The following JAK1 variants were observed in gnomAD, a reference collection of about 807,000 sequenced individuals.
JAK1 encodes the protein Janus kinase 1, also known as tyrosine-protein kinase JAK1.
In JAK1, 16 loss-of-function variants were observed where a neutral mutation model predicts 136.6. The observed-to-expected ratio is 0.12, with a 90% CI of 0.08 to 0.18. JAK1 has a LOEUF of 0.18. JAK1 is among the 10% of genes least tolerant of loss of function. The probability of loss-of-function intolerance (pLI) is 1.00; values close to 1 mark genes in which losing one functional copy is unlikely to be tolerated. For missense variants in JAK1, 859 were observed against 1,450.1 expected, an observed-to-expected ratio of 0.59 and a Z score of 6.62; for synonymous variants, 492 against 519.5, an observed-to-expected ratio of 0.95 and a Z score of 0.72.
chr1:65,006,558 G>A (rs1002235008), intron 2 of JAK1, among the ~76,000 whole-genome samples: 1 of 152,072 alleles, frequency 6.6e-6, no homozygotes, highest in African/African-American at 2.4e-5. Context: ...GGGTCTTGCT[G>A]TGTTGAACAC....
chr1:64,975,379 C>T (rs1027989775), intron 2 of JAK1, among the ~76,000 whole-genome samples: 4 of 152,224 alleles, frequency 2.6e-5, no homozygotes, highest in African/African-American at 9.6e-5. Context: ...GTCAGTCATG[C>T]TCCCACAGCA....
intron 2 of JAK1, among the ~76,000 whole-genome samples, chr1:65,036,322 C>A (rs547745051): frequency 6.6e-5 from 10 of 151,922 alleles, no homozygotes; most frequent in Admixed American, 2.6e-4. Flanking sequence ...GTAGTCCTAG[C>A]TGCTTGAGAG....
intron 1 of JAK1, among the ~76,000 whole-genome samples, chr1:64,907,563 G>A (rs560705123): frequency 1.3e-5 from 2 of 152,206 alleles, no homozygotes; most frequent in South Asian, 2.1e-4. Context: ...AGGAGGGAGA[G>A]GATCAGGAAA....
At chr1:65,057,320 C>T (rs1647591324) in intron 1 of JAK1, among the ~76,000 whole-genome samples, 1 of 152,212 alleles carries the variant, frequency 6.6e-6, no homozygotes, top group Non-Finnish European at 1.5e-5. Flanking sequence ...TTGGCATTGG[C>T]AGAATCCTGG....
intron 12 of JAK1, 97 bp from the exon 13 acceptor site, chr1:64,847,772 G>C: frequency 1.4e-6 from 2 of 1,392,758 alleles, no homozygotes; most frequent in South Asian, 2.7e-5. Flanking sequence ...ACTATCAATG[G>C]GATGGGGCAA....
intron 7 of JAK1, among the ~76,000 whole-genome samples, chr1:64,865,312 A>G (rs1656629939): frequency 6.6e-6 from 1 of 152,218 alleles, no homozygotes; most frequent in African/African-American, 2.4e-5. Flanking sequence ...ACTACTACAC[A>G]TGCTCTGACA....
intron 1 of JAK1, among the ~76,000 whole-genome samples, chr1:64,892,611 C>G (rs1644956200): frequency 6.6e-6 from 1 of 152,154 alleles, no homozygotes; most frequent in Non-Finnish European, 1.5e-5. Flanking sequence ...AATCATTTAT[C>G]CCAAAAATAC....
intron 1 of JAK1, among the ~76,000 whole-genome samples, chr1:64,900,498 C>G (rs760590473): frequency 6.6e-6 from 1 of 152,170 alleles, no homozygotes; most frequent in Non-Finnish European, 1.5e-5. Context: ...GTCAGACTGA[C>G]ATGAAGTGAG....
intron 1 of JAK1, among the ~76,000 whole-genome samples, chr1:65,047,657 T>C (rs530080371): frequency 6.7e-4 from 101 of 151,740 alleles, no homozygotes; most frequent in African/African-American, 2.1e-3. Context: ...AGGCGGAGCT[T>C]GCAGTGCGCC....
rs767260882 is a variant in JAK1, at chr1:64,873,453, G to C, written c.400C>G (p.Gln134Glu). The stretch of plus-strand genomic sequence containing the variant: ...TTTTTTTTCTCGTAGCCATTTTTCT[G>C]CTTCTTTGGAGAATGACGCCACACT... ...QSVWRHSPKK[Q>E]KNGYEKKKIP... is the part of the protein sequence containing the mutation. Residue 134 changes from glutamine to glutamate, a missense_variant, in exon 5 of 25, where the codon CAG (glutamine) becomes GAG (glutamate). Physicochemically the swap from Gln to Glu is conservative, Grantham distance 29. Around this residue, in one of 4 missense-constraint regions of JAK1, gnomAD observed 353 missense variants for 494.0 expected, o/e 0.71. Coordinates refer to ENST00000342505, the MANE Select transcript of JAK1 (RefSeq NM_002227.4). 6.2e-7 allele frequency: 1 copy of C among 1,614,122 alleles called. No individual in the cohort carries two copies. Among genetic ancestry groups the C allele is most frequent in the Non-Finnish European group, 8.5e-7 (1 of 1,180,014 alleles).
At position 64,850,929 on chromosome 1, in the gene JAK1, G is replaced by T. The variant is rs761703123; in HGVS notation, c.1649-19C>A. The T allele has an allele frequency of 1.3e-6, 2 of 1,542,840 alleles. No homozygotes were observed. The highest frequency in any genetic ancestry group is 1.8e-6 in the Non-Finnish European group (2 of 1,115,446). ...GAGATTTCTGTGGAAGAGATTGGGGGAGTCTGAGCACAGCACCCAAGATCC... is the reference window on the plus strand; with the variant it reads ...GAGATTTCTGTGGAAGAGATTGGGGTAGTCTGAGCACAGCACCCAAGATCC... On this transcript the variant is annotated intron_variant, in intron 11 of 24. Transcript: ENST00000342505.
intron 11 of JAK1, among the ~76,000 whole-genome samples, chr1:64,853,392 G>T (rs546206285): frequency 1.5e-4 from 23 of 152,182 alleles, no homozygotes; most frequent in Non-Finnish European, 2.1e-4. Flanking sequence ...ACTGGACTTG[G>T]AGTCAGACAA....
At chr1:65,010,169 G>A (rs879345148) in intron 2 of JAK1, among the ~76,000 whole-genome samples, 3 of 152,038 alleles carry the variant, frequency 2.0e-5, no homozygotes, top group Non-Finnish European at 2.9e-5. Flanking sequence ...CCTCCCCTTG[G>A]GTATGGACTG....
chr1:65,067,631 C>T (rs1170519776), exon 1 of JAK1: 1 of 149,476 alleles, frequency 6.7e-6, no homozygotes, highest in East Asian at 1.9e-4. Context: ...CCGGGCTCCC[C>T]TTCCTTTGTT....
chr1:64,946,595 C>T (rs1645991502), intron 1 of JAK1, among the ~76,000 whole-genome samples: 1 of 152,154 alleles, frequency 6.6e-6, no homozygotes, highest in Non-Finnish European at 1.5e-5. Context: ...TTGAATAAAG[C>T]AAACATTTTG....
rs550427094 is a variant in JAK1, at chr1:64,863,416, ACTT to A, written c.1176+1368_1176+1370del. Among the ~76,000 whole-genome samples, 5 of 152,052 alleles carry A rather than the reference ACTT, an allele frequency of 3.3e-5. No homozygotes were observed. The East Asian group carries it at 7.7e-4, about 23-fold the overall frequency. ...ATCCAGGATGTGCTCCATCAACAGC[ACTT>A]CTTCTTTTCTCCCTCCATTTCGCAT... On this transcript the variant is annotated intron_variant, in intron 8 of 24. Transcript: ENST00000342505.
intron 2 of JAK1, among the ~76,000 whole-genome samples, chr1:65,023,486 C>T (rs1049590382): frequency 2.0e-5 from 3 of 152,028 alleles, no homozygotes; most frequent in African/African-American, 7.2e-5. Context: ...TAGTCAAACC[C>T]CCTTTCCTTC....
chr1:64,880,861 C>T lies in JAK1; in HGVS notation c.206-1713G>A, dbSNP rs184495398. The stretch of plus-strand genomic sequence containing the variant: ...ATTCGGGAGGCTAAGGCAGGAGAAT[C>T]GCTTGAACCTGGGAGGTGGAGGTAG... On this transcript the variant is annotated intron_variant, in intron 3 of 24. Coordinates refer to ENST00000342505, the MANE Select transcript of JAK1 (RefSeq NM_002227.4). Among the ~76,000 whole-genome samples, 64 of 152,162 alleles carry T rather than the reference C, an allele frequency of 4.2e-4. 1 individual carries two copies. Among genetic ancestry groups the T allele is most frequent in the African/African-American group, 1.4e-3 (60 of 41,500 alleles).
At chr1:64,926,567 C>A (rs768046111) in intron 1 of JAK1, among the ~76,000 whole-genome samples, 1 of 152,072 alleles carries the variant, frequency 6.6e-6, no homozygotes, top group Non-Finnish European at 1.5e-5. Flanking sequence ...CAATGCTGAC[C>A]ACAACCACCA....
Sources: allele counts gnomAD v4.1 joint callset (sites outside exome capture counted in the v4.1 genomes callset), GRCh38; gene constraint gnomAD v4.1.1; regional missense constraint gnomAD v4.1.1; transcripts MANE v1.5; gene names NCBI Gene and HGNC (gene_info 2026-07-23, HGNC 2026-07-21).